Variants in ATG4C observed in about 807,000 individuals in gnomAD.
ATG4C encodes the protein autophagy related 4C cysteine peptidase.
In ATG4C, 56 loss-of-function variants were observed where a neutral mutation model predicts 57.6. The ratio of observed to expected loss-of-function variants is 0.97; its 90% CI spans 0.78 to 1.21. The LOEUF (loss-of-function observed/expected upper bound fraction) is 1.21. Ranked by LOEUF, ATG4C falls within the 50% of genes most tolerant of loss-of-function variation. The probability of loss-of-function intolerance (pLI) is 0.00; values close to 1 mark genes in which losing one functional copy is unlikely to be tolerated. For synonymous variants in ATG4C, 157 were observed against 174.1 expected, an observed-to-expected ratio of 0.90 and a Z score of 0.78; for missense variants, 595 against 529.8, an observed-to-expected ratio of 1.12 and a Z score of -1.21.
chr1:62,850,903 C>CAT (rs147828900), intron 10 of ATG4C, among the ~76,000 whole-genome samples: 1 of 94,254 alleles, frequency 1.1e-5, no homozygotes, highest in Admixed American at 1.1e-4. Flanking sequence ...TATATATATA[C>CAT]ATACACATAC....
chr1:62,800,552 A>G (rs1664624890), intron 1 of ATG4C, among the ~76,000 whole-genome samples: 1 of 152,230 alleles, frequency 6.6e-6, no homozygotes, highest in Non-Finnish European at 1.5e-5. Context: ...TGGATGCACT[A>G]TATATAATTC....
At chr1:62,823,714 A>G (rs564571317) in intron 6 of ATG4C, among the ~76,000 whole-genome samples, 3 of 152,290 alleles carry the variant, frequency 2.0e-5, no homozygotes, top group South Asian at 2.1e-4. Flanking sequence ...TACACAGTAC[A>G]CTAAAATATT....
chr1:62,829,907 ATTC>A (rs1180735742), intron 7 of ATG4C, among the ~76,000 whole-genome samples: 5 of 152,206 alleles, frequency 3.3e-5, no homozygotes, highest in East Asian at 3.9e-4. Context: ...AATAGTTGGA[ATTC>A]TTCTTTAAAT....
At chr1:62,847,884 G>T (rs1480243139) in intron 10 of ATG4C, among the ~76,000 whole-genome samples, 2 of 152,136 alleles carry the variant, frequency 1.3e-5, no homozygotes, top group Non-Finnish European at 2.9e-5. Flanking sequence ...CAGGTTTACT[G>T]GAAGTGCCTC....
At chr1:62,835,869 T>C (rs971115446) in intron 9 of ATG4C, among the ~76,000 whole-genome samples, 17 of 152,036 alleles carry the variant, frequency 1.1e-4, no homozygotes, top group African/African-American at 4.1e-4. Context: ...AATTGTGCCA[T>C]GTGAACTACA....
intron 9 of ATG4C, among the ~76,000 whole-genome samples, chr1:62,836,497 G>C (rs1666003445): frequency 6.6e-6 from 1 of 151,992 alleles, no homozygotes; most frequent in Admixed American, 6.5e-5. Flanking sequence ...GTTTTCCTAT[G>C]AAAGTATAAT....
intron 1 of ATG4C, among the ~76,000 whole-genome samples, chr1:62,795,595 G>A (rs1469331996): frequency 6.6e-6 from 1 of 152,134 alleles, no homozygotes; most frequent in Non-Finnish European, 1.5e-5. Context: ...ACAATGCACA[G>A]AAATATGAAG....
At chr1:62,805,359 T>A in intron 3 of ATG4C, 104 bp downstream of exon 3, 1 of 1,322,030 alleles carries the variant, frequency 7.6e-7, no homozygotes, top group Non-Finnish European at 9.8e-7. Context: ...GTATTTCTTT[T>A]AAGTATTTGT....
intron 6 of ATG4C, among the ~76,000 whole-genome samples, chr1:62,824,812 C>T (rs1354752716): frequency 1.3e-5 from 2 of 151,990 alleles, no homozygotes; most frequent in Non-Finnish European, 2.9e-5. Context: ...GCATTAAAGG[C>T]ATGCATCACC....
At chr1:62,786,940 G>A (rs1024466532) in intron 1 of ATG4C, among the ~76,000 whole-genome samples, 1 of 152,164 alleles carries the variant, frequency 6.6e-6, no homozygotes, top group Non-Finnish European at 1.5e-5. Context: ...CAAGGTGGTG[G>A]TGGTAAGATG....
rs769912199 is a variant in ATG4C, at chr1:62,841,512, C to G, written c.1174C>G (p.Gln392Glu). Reference protein sequence around the residue: ...CTIGFYCRNVQDFKRASEEIT... With the variant: ...CTIGFYCRNVEDFKRASEEIT... ...AATAGGATTTTACTGTCGAAATGTTCAGGACTTCAAACGAGCTTCTGAAGA... is the reference window on the plus strand; with the variant it reads ...AATAGGATTTTACTGTCGAAATGTTGAGGACTTCAAACGAGCTTCTGAAGA... The change falls in exon 10 of 11, where the codon CAG becomes GAG. Residue 392 changes from glutamine (Q) to glutamate (E), a missense_variant. Physicochemically the swap from Gln to Glu is conservative, Grantham distance 29. Coordinates refer to ENST00000317868, the MANE Select transcript of ATG4C (RefSeq NM_032852.4). 1.2e-6 allele frequency: 2 copies of G among 1,601,964 alleles called. No homozygotes were observed. The highest frequency in any genetic ancestry group is 1.7e-6 in the Non-Finnish European group (2 of 1,174,022).
Position 62,831,683 on chromosome 1 carries a change from A to G in ATG4C, c.934-2355A>G, listed in dbSNP as rs569248646. Among the ~76,000 whole-genome samples the G allele has an allele frequency of 5.9e-5, 9 of 152,300 alleles. No individual in the cohort carries two copies. The East Asian group carries it at 1.7e-3, about 29-fold the overall frequency. On this transcript the variant is annotated intron_variant, in intron 7 of 10. Transcript: ENST00000317868. Reference sequence around the variant, plus strand: ...TTTATTGCTTCATGGATACAGCTCAATAAATTTTCACCACTAGAAAAATAA... The same window carrying G: ...TTTATTGCTTCATGGATACAGCTCAGTAAATTTTCACCACTAGAAAAATAA...
At chr1:62,828,938 AGCTG>A in intron 6 of ATG4C, 98 bp from the exon 7 acceptor site, 1 of 993,928 alleles carries the variant, frequency 1.0e-6, no homozygotes, top group Middle Eastern at 3.3e-4. Context: ...GAGATGAGAT[AGCTG>A]GCTGTCCATT....
intron 1 of ATG4C, among the ~76,000 whole-genome samples, chr1:62,796,207 G>GTTTTT (rs60552573): frequency 6.6e-5 from 6 of 91,162 alleles, no homozygotes; most frequent in Admixed American, 1.1e-4. Flanking sequence ...ATTTGTGTGG[G>GTTTTT]TTTTTTTTTT....
At chr1:62,850,264 A>G (rs1666463589) in intron 10 of ATG4C, among the ~76,000 whole-genome samples, 1 of 152,060 alleles carries the variant, frequency 6.6e-6, no homozygotes, top group African/African-American at 2.4e-5. Context: ...TTAGAATTTG[A>G]TAATTTCTCA....
chr1:62,863,845 C>T (rs1666924013), intron 10 of ATG4C, 147 bp from the exon 11 acceptor site: 1 of 507,502 alleles, frequency 2.0e-6, no homozygotes, highest in Non-Finnish European at 3.4e-6. Context: ...TGTCTTTTAG[C>T]CAGAACAGGC....
intron 10 of ATG4C, among the ~76,000 whole-genome samples, chr1:62,846,611 T>C (rs1256389764): frequency 2.6e-5 from 4 of 152,212 alleles, no homozygotes; most frequent in Non-Finnish European, 5.9e-5. Context: ...CAGTTTTCCT[T>C]GTCTCATTTG....
intron 9 of ATG4C, among the ~76,000 whole-genome samples, chr1:62,836,097 AT>A (rs1467286370): frequency 6.6e-5 from 10 of 152,226 alleles, no homozygotes; most frequent in African/African-American, 2.4e-4. Context: ...TCCATCTGAT[AT>A]TTTGAGAGAC....
At chr1:62,801,024 A>G (rs933604830) in intron 1 of ATG4C, among the ~76,000 whole-genome samples, 2 of 152,322 alleles carry the variant, frequency 1.3e-5, no homozygotes, top group South Asian at 4.1e-4. Flanking sequence ...GTTAGAGGGA[A>G]CAGATGCAAA....
Sources: allele counts gnomAD v4.1 joint callset (sites outside exome capture counted in the v4.1 genomes callset), GRCh38; gene constraint gnomAD v4.1.1; transcripts MANE v1.5; gene names NCBI Gene and HGNC (gene_info 2026-07-23, HGNC 2026-07-21).